Variants in ITGB5 observed in about 807,000 individuals in gnomAD.
The protein encoded by ITGB5 is integrin subunit beta 5.
ITGB5 carries 38 observed loss-of-function variants against 84.8 expected under a neutral mutation model. The ratio of observed to expected loss-of-function variants is 0.45; its 90% confidence interval spans 0.35 to 0.59. ITGB5 has a LOEUF of 0.59. ITGB5 is among the 20% of genes least tolerant of loss of function. ITGB5 has a pLI of 0.01. For synonymous variants in ITGB5, 393 were observed against 414.4 expected (o/e 0.95, Z 0.63); for missense variants, 905 against 1,034.5 (o/e 0.87, Z 1.72).
At chr3:124,851,608 AACACACACACACACAC>A (rs3836319) in intron 3 of ITGB5, among the ~76,000 whole-genome samples, 2 of 145,938 alleles carry the variant, frequency 1.4e-5, no homozygotes, top group Admixed American at 6.9e-5. Context: ...TCAGTAAGAA[AACACACACACACACAC>A]ACACACACAC....
chr3:124,837,651 T>G (rs1206283885), intron 5 of ITGB5, among the ~76,000 whole-genome samples: 1 of 152,122 alleles, frequency 6.6e-6, no homozygotes, highest in Non-Finnish European at 1.5e-5. Context: ...AGAACATCTT[T>G]CAAGAGCAGG....
At chr3:124,795,332 T>C (rs2064206616) in intron 10 of ITGB5, among the ~76,000 whole-genome samples, 2 of 151,730 alleles carry the variant, frequency 1.3e-5, no homozygotes, top group African/African-American at 4.8e-5. Context: ...CTACTAAAAA[T>C]ACAAAAATTA....
intron 9 of ITGB5, among the ~76,000 whole-genome samples, chr3:124,798,875 G>C (rs1311272106): frequency 6.6e-6 from 1 of 152,254 alleles, no homozygotes; most frequent in Non-Finnish European, 1.5e-5. Context: ...GTATGGGACT[G>C]AGCAGGAGGA....
upstream of ITGB5, among the ~76,000 whole-genome samples, chr3:124,890,525 C>T (rs1483926304): frequency 6.6e-6 from 1 of 152,084 alleles, no homozygotes; most frequent in Non-Finnish European, 1.5e-5. Context: ...AAGCCTAGGC[C>T]CTGTGGAGCG....
chr3:124,775,502 G>T (rs1431375146), intron 10 of ITGB5, among the ~76,000 whole-genome samples: 1 of 152,086 alleles, frequency 6.6e-6, no homozygotes, highest in Non-Finnish European at 1.5e-5. Flanking sequence ...CCTGACAGTG[G>T]AGTCTCCATT....
intron 1 of ITGB5, among the ~76,000 whole-genome samples, chr3:124,876,991 A>G (rs1450243775): frequency 6.6e-6 from 1 of 151,598 alleles, no homozygotes; most frequent in East Asian, 1.9e-4. Flanking sequence ...CTTTGTTTGA[A>G]ACAGGGTCTA....
chr3:124,854,900 A>C (rs1036519093), intron 3 of ITGB5, among the ~76,000 whole-genome samples: 1 of 152,238 alleles, frequency 6.6e-6, no homozygotes, highest in African/African-American at 2.4e-5. Context: ...TATTATGCTG[A>C]GGCTTGTCCT....
intron 10 of ITGB5, among the ~76,000 whole-genome samples, chr3:124,785,908 G>GA (rs147249322): frequency 0.036 from 5,541 of 152,286 alleles, 100 homozygotes; most frequent in Non-Finnish European, 0.049. Flanking sequence ...AGGGTGGTGG[G>GA]AAGGGTCTTA....
chr3:124,877,793 T>C (rs1499959), intron 1 of ITGB5, among the ~76,000 whole-genome samples: 125,128 of 151,990 alleles, frequency 0.82, 51,667 homozygotes, highest in African/African-American at 0.88. Context: ...ACAGCCCCTT[T>C]ATCAGAAAGG....
At chr3:124,793,780 G>C (rs41397244) in intron 10 of ITGB5, among the ~76,000 whole-genome samples, 3,242 of 152,324 alleles carry the variant, frequency 0.021, 132 homozygotes, top group African/African-American at 0.074. Flanking sequence ...GGAAAGCGTT[G>C]ATCCCTGTTG....
chr3:124,764,546 T>C lies in ITGB5; in HGVS notation c.2149A>G (p.Thr717Ala). 1 of 1,609,942 alleles carries C rather than the reference T, an allele frequency of 6.2e-7. No homozygotes were observed. The highest frequency in any genetic ancestry group is 8.5e-7 in the Non-Finnish European group (1 of 1,176,998). ...TVLREPECGN[T>A]PNAMTILLAV... ...AGGAGGATGGTCATGGCGTTGGGGG[T>C]GTTTCCACACTCTGGGGGGACCAGA... Residue 717 changes from threonine to alanine, a missense_variant, in exon 14 of 15, where the codon ACC becomes GCC. Thr to Ala is a moderately conservative substitution (Grantham distance 58). Around this residue, in one of 3 missense-constraint regions of ITGB5, gnomAD observed 133 missense variants for 122.8 expected, o/e 1.08. Coordinates refer to ENST00000296181, the MANE Select transcript of ITGB5 (RefSeq NM_002213.5).
At chr3:124,808,186 A>C (rs2064440480) in intron 9 of ITGB5, among the ~76,000 whole-genome samples, 1 of 152,180 alleles carries the variant, frequency 6.6e-6, no homozygotes, top group Non-Finnish European at 1.5e-5. Context: ...TATGAATGCC[A>C]AGAGGATATA....
At chr3:124,811,370 G>C (rs748344667) in intron 8 of ITGB5, among the ~76,000 whole-genome samples, 4 of 152,114 alleles carry the variant, frequency 2.6e-5, no homozygotes, top group Non-Finnish European at 5.9e-5. Context: ...TATTTCTTAA[G>C]ACAAATATTA....
At chr3:124,770,462 G>A (rs1337205059) in intron 11 of ITGB5, among the ~76,000 whole-genome samples, 2 of 152,202 alleles carry the variant, frequency 1.3e-5, no homozygotes, top group Non-Finnish European at 2.9e-5. Flanking sequence ...ACAGAGGGAT[G>A]TGCAACTGCA....
chr3:124,791,789 C>T (rs1399247589), intron 10 of ITGB5: 3 of 152,214 alleles, frequency 2.0e-5, no homozygotes, highest in Admixed American at 6.5e-5. Flanking sequence ...GCCACAACAA[C>T]TCCAGATGTA....
Position 124,865,486 on chromosome 3 carries a change from T to TTC in ITGB5, c.157-6041_157-6040insGA, listed in dbSNP as rs1553766698. 2.1e-3 allele frequency among the ~76,000 whole-genome samples: 275 copies of TTC among 130,568 alleles called. 3 individuals are homozygous for TTC. Among genetic ancestry groups the TTC allele is most frequent in the African/African-American group, 8.7e-3 (264 of 30,480 alleles). 85.7% of individuals were successfully genotyped at this position (130,568 alleles called of 152,430 possible). A position where few individuals can be genotyped will look rare whatever the true frequency, so the allele number is the denominator to read the frequency against. On this transcript the variant is annotated intron_variant, in intron 2 of 14. Coordinates refer to ENST00000296181, the MANE Select transcript of ITGB5 (RefSeq NM_002213.5). ...GTGTCCTTTGCGGCTTTTTTCTTTT[T>TTC]TTTTTTTTTTTTTTTTGAGAGACTG...
At chr3:124,790,410 GAC>G (rs2064132628) in intron 10 of ITGB5, among the ~76,000 whole-genome samples, 1 of 138,282 alleles carries the variant, frequency 7.2e-6, no homozygotes, top group Non-Finnish European at 1.6e-5. Flanking sequence ...AACCGCCTTT[GAC>G]TAGACAGGGT....
rs1477274862 is a variant in ITGB5, at chr3:124,796,532, C to G, written c.1549G>C (p.Glu517Gln). The change falls in exon 10 of 15, where the codon GAG becomes CAG. Residue 517 changes from glutamate (E) to glutamine (Q), a missense_variant. Around this residue, in one of 3 missense-constraint regions of ITGB5, gnomAD observed 656 missense variants for 734.7 expected, o/e 0.89. Transcript: ENST00000296181. ...SVYQNLCREA[E>Q]GKPLCSGRGD... ...CGCCCGCTGCACAGTGGCTTGCCCTCTGCCTCCCGGCACAGGTTCTGGTAC... is the reference window on the plus strand; with the variant it reads ...CGCCCGCTGCACAGTGGCTTGCCCTGTGCCTCCCGGCACAGGTTCTGGTAC... The G allele has an allele frequency of 6.2e-7, 1 of 1,614,138 alleles. No homozygotes were observed. The highest frequency in any genetic ancestry group is 8.5e-7 in the Non-Finnish European group (1 of 1,180,040).
intron 1 of ITGB5, among the ~76,000 whole-genome samples, chr3:124,893,428 T>A (rs1935040911): frequency 6.6e-6 from 1 of 152,124 alleles, no homozygotes; most frequent in East Asian, 1.9e-4. Context: ...AAAATTAAAA[T>A]GATTAACTTT....
Sources: gnomAD v4.1 joint callset for allele counts (sites outside exome capture counted in the v4.1 genomes callset) on GRCh38, gnomAD v4.1.1 for gene constraint, gnomAD v4.1.1 regional missense constraint, MANE v1.5 for transcripts, NCBI Gene and HGNC (gene_info 2026-07-23, HGNC 2026-07-21) for gene names.